The following H3C4 variants were observed in gnomAD, a reference collection of about 807,000 sequenced individuals.
H3C4 encodes the protein histone H3.1.
A neutral mutation model predicts 8.7 loss-of-function variants in H3C4; 10 were observed. The observed-to-expected ratio is 1.15, with a 90% confidence interval of 0.71 to 1.96. The LOEUF (loss-of-function observed/expected upper bound fraction) is 1.96. H3C4 is among the 30% of genes most tolerant of loss of function. The probability of loss-of-function intolerance (pLI) is 0.00; values close to 1 mark genes in which losing one functional copy is unlikely to be tolerated. For missense variants in H3C4, 216 were observed against 192.9 expected, an observed-to-expected ratio of 1.12 and a Z score of -0.71; for synonymous variants, 141 against 80.1, an observed-to-expected ratio of 1.76 and a Z score of -4.06.
rs1270506445 is a variant in H3C4 at position 26,197,085 on chromosome 6, G to A, written c.166C>T (p.Gln56Ter). The A allele has an allele frequency of 1.2e-6, 2 of 1,614,110 alleles. No individual in the cohort carries two copies. The highest frequency in any genetic ancestry group is 1.7e-6 in the Non-Finnish European group (2 of 1,180,050). ...TVALREIRRY[Q>*]KSTELLIRKL... is the part of the protein sequence containing the mutation. ...CGAATCAGCAGCTCGGTCGACTTCT[G>A]GTAGCGGCGGATCTCGCGCAGAGCC... The change falls in exon 1 of 1, where the codon CAG (glutamine) becomes TAG (stop). Residue 56 changes from glutamine (Q) to a stop codon, truncating the protein, a stop_gained. Coordinates refer to ENST00000356476, the MANE Select transcript of H3C4 (RefSeq NM_001376937.1). LOFTEE classifies it high-confidence loss of function.
chr6:26,197,880 G>C (rs1309624403), upstream of H3C4, among the ~76,000 whole-genome samples: 1 of 79,370 alleles, frequency 1.3e-5, no homozygotes, highest in Non-Finnish European at 2.4e-5. Context: ...GTAATCTGCT[G>C]TAAAAAAAAA....
upstream of H3C4, among the ~76,000 whole-genome samples, chr6:26,197,881 TAAA>T (rs79006416): frequency 4.9e-4 from 52 of 105,178 alleles, no homozygotes; most frequent in East Asian, 1.1e-3. Flanking sequence ...TAATCTGCTG[TAAA>T]AAAAAAAAAA....
At chr6:26,198,843 T>C, upstream of H3C4, 6 of 1,611,148 alleles carry the variant, frequency 3.7e-6, no homozygotes, top group Non-Finnish European at 5.1e-6. Flanking sequence ...AATATAAGAG[T>C]TCTCGTTTTA....
chr6:26,197,730 C>T (rs552011159), upstream of H3C4, among the ~76,000 whole-genome samples: 1 of 151,986 alleles, frequency 6.6e-6, no homozygotes, highest in African/African-American at 2.4e-5. Flanking sequence ...ATAATTTGTT[C>T]CAAATGCACC....
chr6:26,197,342 A>G (rs1373211175), upstream of H3C4: 25 of 1,392,378 alleles, frequency 1.8e-5, no homozygotes, highest in Non-Finnish European at 2.4e-5. Flanking sequence ...CTGATTGGAC[A>G]AGGCAGCCTT....
At chr6:26,199,121 G>A, upstream of H3C4, 3 of 1,614,228 alleles carry the variant, frequency 1.9e-6, no homozygotes, top group Non-Finnish European at 2.5e-6. Context: ...CGACTCGCTC[G>A]GAGTAGTTGC....
upstream of H3C4, chr6:26,198,914 G>A (rs749812440): frequency 6.8e-6 from 11 of 1,614,232 alleles, no homozygotes; most frequent in East Asian, 2.2e-5. Flanking sequence ...CCTGGATGTT[G>A]GGCAGAACAC....
chr6:26,197,468 T>TTCCCC (rs1765002569), upstream of H3C4, among the ~76,000 whole-genome samples: 1 of 152,180 alleles, frequency 6.6e-6, no homozygotes, highest in South Asian at 2.1e-4. Context: ...TTTCAACCCT[T>TTCCCC]TCCCCTCTGT....
At chr6:26,199,065 G>T, upstream of H3C4, 2 of 1,614,210 alleles carry the variant, frequency 1.2e-6, no homozygotes, top group Non-Finnish European at 1.7e-6. Context: ...GATCTCGGCG[G>T]TCAGGTACTC....
At chr6:26,198,575 G>A (rs1765038050), upstream of H3C4, among the ~76,000 whole-genome samples, 1 of 152,126 alleles carries the variant, frequency 6.6e-6, no homozygotes, top group African/African-American at 2.4e-5. Flanking sequence ...CCTGTGATCC[G>A]CCCACCTTGG....
In H3C4 at chr6:26,197,033, C is replaced by G. The variant is rs867345018; in HGVS notation, c.218G>C (p.Arg73Pro). The G allele has an allele frequency of 6.2e-7, 1 of 1,614,234 alleles. No individual in the cohort carries two copies. The stretch of plus-strand genomic sequence containing the variant: ...AGTCTTGAAGTCCTGCGCGATCTCA[C>G]GGACTAGACGCTGGAATGGCAGTTT... ...IRKLPFQRLVREIAQDFKTDL... is the reference protein window; with the variant it reads ...IRKLPFQRLVPEIAQDFKTDL... Residue 73 changes from arginine to proline, a missense_variant, in exon 1 of 1, where the codon CGT becomes CCT. Physicochemically the swap from Arg to Pro is moderately radical, Grantham distance 103 (BLOSUM62 -2). Coordinates refer to ENST00000356476, the MANE Select transcript of H3C4 (RefSeq NM_001376937.1).
At chr6:26,198,671 G>A (rs531429704), upstream of H3C4, among the ~76,000 whole-genome samples, 21 of 152,216 alleles carry the variant, frequency 1.4e-4, no homozygotes, top group South Asian at 4.1e-4. Flanking sequence ...TAAAATGGAC[G>A]GTTAGTTTCA....
In H3C4 at chr6:26,197,265, CCCTGCTAAAT is replaced by C. The variant is rs1474589803; in HGVS notation, c.-25_-16del. On this transcript the variant is annotated 5_prime_UTR_variant, in exon 1 of 1. Coordinates refer to ENST00000356476, the MANE Select transcript of H3C4 (RefSeq NM_001376937.1). ...GTACGAGCCATTGCGAACTTCTAAA[CCCTGCTAAAT>C]GACGAAAAAACGAAAGTCTAGCCTT... is the stretch of plus-strand genomic sequence containing the variant. 6.2e-7 allele frequency: 1 copy of C among 1,600,752 alleles called. No homozygotes were observed. Among genetic ancestry groups the C allele is most frequent in the African/African-American group, 1.4e-5 (1 of 73,706 alleles).
rs778598489 is a variant in H3C4, at chr6:26,196,834, G to A, written c.*6C>T. The A allele has an allele frequency of 3.7e-6, 6 of 1,614,164 alleles. No individual in the cohort carries two copies. The highest frequency in any genetic ancestry group is 3.4e-6 in the Non-Finnish European group (4 of 1,180,004). ...GGTTTTGGTTAGCACACATTCACAAGACAATTTACGCCCTCTCCCCACGAA... is the reference window on the plus strand; with the variant it reads ...GGTTTTGGTTAGCACACATTCACAAAACAATTTACGCCCTCTCCCCACGAA... On this transcript the variant is annotated 3_prime_UTR_variant, in exon 1 of 1. Coordinates refer to ENST00000356476, the MANE Select transcript of H3C4 (RefSeq NM_001376937.1).
chr6:26,197,828 A>G (rs1265239626), upstream of H3C4, among the ~76,000 whole-genome samples: 2 of 18,154 alleles, frequency 1.1e-4, no homozygotes, highest in Non-Finnish European at 2.5e-4. Context: ...TCATCCTCAT[A>G]TGAAAGCACT....
At chr6:26,199,236 C>A (rs752225254), upstream of H3C4, 5 of 1,595,726 alleles carry the variant, frequency 3.1e-6, no homozygotes, top group Non-Finnish European at 4.3e-6. Context: ...CTTGCCGCGT[C>A]CGGACATTTT....
chr6:26,199,168 A>C, upstream of H3C4: 1 of 1,614,084 alleles, frequency 6.2e-7, no homozygotes, highest in Non-Finnish European at 8.5e-7. Context: ...CCCACAGGGA[A>C]CTGGAGTCCG....
rs1561980243 is a variant in H3C4, at chr6:26,196,804, CT to C, written c.*35del. 6.2e-7 allele frequency: 1 copy of C among 1,611,214 alleles called. No homozygotes were observed. Among genetic ancestry groups the C allele is most frequent in the African/African-American group, 1.3e-5 (1 of 74,788 alleles). On this transcript the variant is annotated 3_prime_UTR_variant, in exon 1 of 1. Transcript: ENST00000356476. ...AAAGGTGGTTGGCTCTGAAAAGAGCCTTTGGGTTTTGGTTAGCACACATTCA... is the reference window on the plus strand; with the variant it reads ...AAAGGTGGTTGGCTCTGAAAAGAGCCTTGGGTTTTGGTTAGCACACATTCA...
Position 26,196,784 on chromosome 6 carries a change from T to C in H3C4, c.*56A>G. 1 of 1,573,120 alleles carries C rather than the reference T, an allele frequency of 6.4e-7. No individual in the cohort carries two copies. Among genetic ancestry groups the C allele is most frequent in the East Asian group, 2.2e-5 (1 of 44,606 alleles). On this transcript the variant is annotated 3_prime_UTR_variant, in exon 1 of 1. Transcript: ENST00000356476. Reference sequence around the variant, plus strand: ...TAAACAGCAACTTTTATAGAAAAGGTGGTTGGCTCTGAAAAGAGCCTTTGG... The same window carrying C: ...TAAACAGCAACTTTTATAGAAAAGGCGGTTGGCTCTGAAAAGAGCCTTTGG...
Sources: gnomAD v4.1 joint callset for allele counts (sites outside exome capture counted in the v4.1 genomes callset) on GRCh38, gnomAD v4.1.1 for gene constraint, MANE v1.5 for transcripts, NCBI Gene and HGNC (gene_info 2026-07-23, HGNC 2026-07-21) for gene names.